The following POU6F2 variants were observed in gnomAD, a reference collection of about 807,000 sequenced individuals.
The protein encoded by POU6F2 is POU class 6 homeobox 2, also known as POU domain, class 6, transcription factor 2.
Under a neutral mutation model 71.3 loss-of-function variants are expected in POU6F2, and 31 were observed. The ratio of observed to expected loss-of-function variants is 0.43; its 90% CI spans 0.33 to 0.59. The LOEUF is 0.59. Ranked by LOEUF, POU6F2 falls within the 20% of genes least tolerant of loss-of-function variation. The probability of loss-of-function intolerance (pLI) is 0.04; values close to 1 mark genes in which losing one functional copy is unlikely to be tolerated. For missense variants in POU6F2, 783 were observed against 856.8 expected, an observed-to-expected ratio of 0.91 and a Z score of 1.07; for synonymous variants, 347 against 355.7, an observed-to-expected ratio of 0.98 and a Z score of 0.27.
intron 4 of POU6F2, among the ~76,000 whole-genome samples, chr7:39,222,631 G>T (rs1000759131): frequency 1.3e-5 from 2 of 152,030 alleles, no homozygotes; most frequent in Non-Finnish European, 2.9e-5. Context: ...GACCACTCTG[G>T]GTACCTCATA....
At chr7:39,431,641 G>C (rs554182581) in intron 6 of POU6F2, among the ~76,000 whole-genome samples, 1 of 152,152 alleles carries the variant, frequency 6.6e-6, no homozygotes, top group African/African-American at 2.4e-5. Context: ...ATGGAAAAGC[G>C]AGCACGTGGG....
At chr7:39,194,488 G>T in intron 2 of POU6F2, among the ~76,000 whole-genome samples, 1 of 152,108 alleles carries the variant, frequency 6.6e-6, no homozygotes, top group South Asian at 2.1e-4. Context: ...TCTAGCTAAA[G>T]GTTTGTAAAC....
At chr7:39,148,986 G>A (rs573118630) in intron 2 of POU6F2, among the ~76,000 whole-genome samples, 31 of 152,180 alleles carry the variant, frequency 2.0e-4, no homozygotes, top group Non-Finnish European at 4.0e-4. Flanking sequence ...AGAACCTTGA[G>A]CATATTTATT....
intron 2 of POU6F2, among the ~76,000 whole-genome samples, chr7:39,176,483 G>A (rs1220247172): frequency 6.6e-6 from 1 of 152,156 alleles, no homozygotes; most frequent in Non-Finnish European, 1.5e-5. Flanking sequence ...CATTTCATCT[G>A]ATGAATTCCC....
chr7:39,223,795 A>G (rs888296663), intron 4 of POU6F2, among the ~76,000 whole-genome samples: 1 of 152,166 alleles, frequency 6.6e-6, no homozygotes, highest in African/African-American at 2.4e-5. Context: ...ATCAGTTTGA[A>G]GTATAATGTT....
At chr7:39,297,363 A>G (rs1208042760) in intron 4 of POU6F2, among the ~76,000 whole-genome samples, 2 of 152,096 alleles carry the variant, frequency 1.3e-5, no homozygotes, top group African/African-American at 4.8e-5. Context: ...CCTTCACTAT[A>G]AGACAAAAAT....
At position 39,256,232 on chromosome 7, in the gene POU6F2, T is replaced by C. The variant is rs146806071; in HGVS notation, c.598+48612T>C. Among the ~76,000 whole-genome samples, 258 of 152,230 alleles carry C rather than the reference T, an allele frequency of 1.7e-3. 1 individual carries two copies. Among genetic ancestry groups the C allele is most frequent in the African/African-American group, 6.0e-3 (249 of 41,536 alleles). ...TGCATCTACTTCCTTTCATAAAGCA[T>C]GTGACCTTGCACACAGCAGGCCCTC... On this transcript the variant is annotated intron_variant, in intron 4 of 9. Transcript: ENST00000518318.
chr7:39,286,523 A>C (rs1784652707), intron 4 of POU6F2, among the ~76,000 whole-genome samples: 1 of 152,212 alleles, frequency 6.6e-6, no homozygotes, highest in Non-Finnish European at 1.5e-5. Flanking sequence ...AGATGTGCTC[A>C]GATTTCTCTC....
At chr7:39,296,840 G>A (rs1784854949) in intron 4 of POU6F2, among the ~76,000 whole-genome samples, 1 of 152,184 alleles carries the variant, frequency 6.6e-6, no homozygotes, top group Admixed American at 6.5e-5. Context: ...CCAGTGCCTG[G>A]CCCATGTCTC....
At chr7:39,435,710 A>G (rs187099277) in intron 7 of POU6F2, among the ~76,000 whole-genome samples, 8 of 152,292 alleles carry the variant, frequency 5.3e-5, no homozygotes, top group Admixed American at 3.9e-4. Context: ...GCCCATGCCT[A>G]TGTCCTGAAT....
At chr7:39,085,624 T>C (rs1236363419) in intron 1 of POU6F2, 7 of 392,338 alleles carry the variant, frequency 1.8e-5, no homozygotes, top group Non-Finnish European at 2.8e-5. Context: ...TCTCACATGC[T>C]AGTTGAGCTT....
chr7:39,288,887 C>A (rs1784697170), intron 4 of POU6F2, among the ~76,000 whole-genome samples: 1 of 152,170 alleles, frequency 6.6e-6, no homozygotes, highest in Admixed American at 6.5e-5. Context: ...GCCTATTCAG[C>A]CCCACCAAGA....
chr7:39,266,219 T>C (rs1188508996), intron 4 of POU6F2, among the ~76,000 whole-genome samples: 1 of 152,186 alleles, frequency 6.6e-6, no homozygotes, highest in Non-Finnish European at 1.5e-5. Flanking sequence ...GTTTTTATGC[T>C]TAAAAAGTGT....
At chr7:39,133,887 T>A (rs147177935) in intron 2 of POU6F2, among the ~76,000 whole-genome samples, 72 of 152,316 alleles carry the variant, frequency 4.7e-4, no homozygotes, top group African/African-American at 1.6e-3. Context: ...TTTTTCTTTC[T>A]GTTTTTTTAG....
intron 8 of POU6F2, among the ~76,000 whole-genome samples, chr7:39,457,050 T>G (rs2237371): frequency 0.33 from 50,131 of 152,106 alleles, 9,111 homozygotes; most frequent in East Asian, 0.58. Flanking sequence ...TTTCAACTCT[T>G]GTTATTGTCA....
intron 4 of POU6F2, among the ~76,000 whole-genome samples, chr7:39,237,058 C>T (rs750153618): frequency 1.5e-4 from 23 of 152,164 alleles, no homozygotes; most frequent in Non-Finnish European, 2.8e-4. Context: ...TCTGGTGCTA[C>T]ACTCCTCACA....
chr7:39,180,140 G>A (rs1045915063), intron 2 of POU6F2, among the ~76,000 whole-genome samples: 7 of 152,168 alleles, frequency 4.6e-5, no homozygotes, highest in Non-Finnish European at 1.0e-4. Flanking sequence ...TTATTCCAAT[G>A]TAGCAGTAAC....
At chr7:39,085,262 C>T (rs558018920) in intron 1 of POU6F2, 1 of 152,290 alleles carries the variant, frequency 6.6e-6, no homozygotes, top group South Asian at 2.1e-4. Flanking sequence ...GTGAAGCCAA[C>T]TTCTAAGGGT....
chr7:39,426,665 T>C (rs1216491106), intron 6 of POU6F2, among the ~76,000 whole-genome samples: 1 of 151,698 alleles, frequency 6.6e-6, no homozygotes, highest in East Asian at 2.0e-4. Context: ...GGCTCTCACC[T>C]TTTCATTCCT....
Sources: gnomAD v4.1 joint callset for allele counts (sites outside exome capture counted in the v4.1 genomes callset) on GRCh38, gnomAD v4.1.1 for gene constraint, MANE v1.5 for transcripts, NCBI Gene and HGNC (gene_info 2026-07-23, HGNC 2026-07-21) for gene names.